SLC24A2: variants seen among roughly 807,000 people sequenced by gnomAD.
The protein encoded by SLC24A2 is sodium/potassium/calcium exchanger 2.
In SLC24A2, 36 loss-of-function variants were observed where a neutral mutation model predicts 62.0. The observed-to-expected ratio is 0.58, with a 90% CI of 0.44 to 0.77. The LOEUF is 0.77. Among genes scored for constraint, SLC24A2 ranks in the 30% least tolerant of loss-of-function variants. SLC24A2 has a pLI of 0.00. For missense variants in SLC24A2, 846 were observed against 817.9 expected (o/e 1.03, Z -0.42); for synonymous variants, 358 against 294.0 (o/e 1.22, Z -2.23).
At chr9:20,009,453 G>A in the SLC24A2 span, among the ~76,000 whole-genome samples, 2 of 151,078 alleles carry the variant, frequency 1.3e-5, no homozygotes, top group Middle Eastern at 3.4e-3. Flanking sequence ...AATCTTGGTA[G>A]TTGCTCTGAA....
chr9:20,108,810 G>T, the SLC24A2 span, among the ~76,000 whole-genome samples: 1 of 151,934 alleles, frequency 6.6e-6, no homozygotes, highest in African/African-American at 2.4e-5. Flanking sequence ...TAACTAACCT[G>T]CACATTGTGC....
the SLC24A2 span, among the ~76,000 whole-genome samples, chr9:19,945,014 CAG>C: frequency 2.5e-3 from 376 of 152,286 alleles, 2 homozygotes; most frequent in African/African-American, 8.8e-3. Flanking sequence ...TTTGTGCATA[CAG>C]AGTGGTCTTG....
chr9:19,998,763 T>C, the SLC24A2 span, among the ~76,000 whole-genome samples: 1 of 152,208 alleles, frequency 6.6e-6, no homozygotes, highest in Non-Finnish European at 1.5e-5. Context: ...AGAAACTCAC[T>C]CCTTCTCCCA....
intron 8 of SLC24A2, among the ~76,000 whole-genome samples, chr9:19,545,692 G>A (rs1227261298): frequency 6.6e-6 from 1 of 151,052 alleles, no homozygotes; most frequent in African/African-American, 2.4e-5. Flanking sequence ...ACGCTGGAGT[G>A]CAGTGGTGCA....
At chr9:19,931,720 C>A in the SLC24A2 span, among the ~76,000 whole-genome samples, 1 of 152,166 alleles carries the variant, frequency 6.6e-6, no homozygotes, top group African/African-American at 2.4e-5. Flanking sequence ...TCCACAACAC[C>A]CCTCAGTTCC....
the SLC24A2 span, among the ~76,000 whole-genome samples, chr9:19,835,380 T>G: frequency 2.1e-5 from 3 of 142,640 alleles, no homozygotes; most frequent in African/African-American, 4.9e-5. Context: ...GATGGAGGAA[T>G]ATCTACCAAG....
At chr9:19,837,191 G>T in the SLC24A2 span, among the ~76,000 whole-genome samples, 5 of 151,878 alleles carry the variant, frequency 3.3e-5, no homozygotes, top group Non-Finnish European at 5.9e-5. Context: ...GGTGGCTCAC[G>T]CCTGTAATCC....
the SLC24A2 span, among the ~76,000 whole-genome samples, chr9:20,182,716 G>T: frequency 6.6e-6 from 1 of 151,958 alleles, no homozygotes; most frequent in Non-Finnish European, 1.5e-5. Context: ...CAAACCAACA[G>T]GCACATGTAT....
the SLC24A2 span, among the ~76,000 whole-genome samples, chr9:19,812,998 G>T: frequency 2.0e-5 from 3 of 152,278 alleles, no homozygotes; most frequent in African/African-American, 7.2e-5. Flanking sequence ...TTTTCCAGAG[G>T]CTTTCTACTT....
At chr9:19,522,799 T>G (rs1004246132) in intron 9 of SLC24A2, among the ~76,000 whole-genome samples, 5 of 152,238 alleles carry the variant, frequency 3.3e-5, no homozygotes, top group African/African-American at 1.2e-4. Flanking sequence ...TTCACTAGTA[T>G]GTTTTTCTGC....
chr9:19,805,487 A>T, the SLC24A2 span, among the ~76,000 whole-genome samples: 1 of 152,188 alleles, frequency 6.6e-6, no homozygotes. Flanking sequence ...ATTCACTCAA[A>T]ATGAACATAC....
the SLC24A2 span, among the ~76,000 whole-genome samples, chr9:20,236,015 T>A: frequency 5.3e-5 from 8 of 152,336 alleles, no homozygotes; most frequent in Middle Eastern, 3.4e-3. Context: ...AATTGATGTT[T>A]GTTGAATGAA....
the SLC24A2 span, among the ~76,000 whole-genome samples, chr9:20,294,780 C>T: frequency 5.9e-4 from 90 of 152,240 alleles, no homozygotes; most frequent in Non-Finnish European, 1.1e-3. Flanking sequence ...CTCAACCTCA[C>T]AAGTGCACGT....
the SLC24A2 span, among the ~76,000 whole-genome samples, chr9:19,812,358 T>C: frequency 6.6e-6 from 1 of 152,166 alleles, no homozygotes; most frequent in African/African-American, 2.4e-5. Context: ...AAATTTTATA[T>C]CCTGTTTTCT....
chr9:19,653,522 T>C (rs945777057), intron 2 of SLC24A2, among the ~76,000 whole-genome samples: 2 of 152,224 alleles, frequency 1.3e-5, no homozygotes, highest in South Asian at 4.1e-4. Context: ...TGCTGATCAA[T>C]AGTCTTCATT....
chr9:19,549,595 A>G (rs1834742291), intron 8 of SLC24A2, among the ~76,000 whole-genome samples: 1 of 152,186 alleles, frequency 6.6e-6, no homozygotes, highest in Non-Finnish European at 1.5e-5. Context: ...TCACATGAAA[A>G]GGCCATGTTT....
At chr9:20,019,288 A>AAAGAAAGAAAGAAAGAAAGG in the SLC24A2 span, among the ~76,000 whole-genome samples, 1 of 150,278 alleles carries the variant, frequency 6.7e-6, no homozygotes, top group Non-Finnish European at 1.5e-5. Context: ...AGAAAGAAAG[A>AAAGAAAGAAAGAAAGAAAGG]AAGAAAGAAA....
At chr9:19,558,451 A>G (rs1409308884) in intron 7 of SLC24A2, among the ~76,000 whole-genome samples, 1 of 152,190 alleles carries the variant, frequency 6.6e-6, no homozygotes, top group Admixed American at 6.5e-5. Context: ...GTGGCAACCA[A>G]GTGCACTATG....
the SLC24A2 span, among the ~76,000 whole-genome samples, chr9:19,853,232 T>G: frequency 6.6e-6 from 1 of 152,202 alleles, no homozygotes; most frequent in African/African-American, 2.4e-5. Context: ...GTTTTCTAGA[T>G]GTAGGTCATG....
Sources: gnomAD v4.1 joint callset for allele counts (sites outside exome capture counted in the v4.1 genomes callset) on GRCh38, gnomAD v4.1.1 for gene constraint, MANE v1.5 for transcripts, NCBI Gene and HGNC (gene_info 2026-07-23, HGNC 2026-07-21) for gene names.